TAFA2: variants seen among roughly 807,000 people sequenced by gnomAD.
TAFA2 encodes the protein TAFA chemokine like family member 2.
Under a neutral mutation model 18.8 loss-of-function variants are expected in TAFA2, and 7 were observed. The ratio of observed to expected loss-of-function variants is 0.37; its 90% CI spans 0.21 to 0.70. The LOEUF (loss-of-function observed/expected upper bound fraction) is 0.70. Among genes scored for constraint, TAFA2 ranks in the 30% least tolerant of loss-of-function variants. TAFA2 has a pLI of 0.53. For synonymous variants in TAFA2, 60 were observed against 54.2 expected (o/e 1.11, Z -0.47); for missense variants, 122 against 158.1 (o/e 0.77, Z 1.23).
intron 1 of TAFA2, among the ~76,000 whole-genome samples, chr12:61,994,533 C>T (rs1424537859): frequency 6.6e-6 from 1 of 152,134 alleles, no homozygotes; most frequent in African/African-American, 2.4e-5. Flanking sequence ...TTCCTCATAG[C>T]TAAATTCTCA....
intron 1 of TAFA2, among the ~76,000 whole-genome samples, chr12:62,143,318 C>G (rs1168165128): frequency 6.6e-6 from 1 of 152,180 alleles, no homozygotes; most frequent in South Asian, 2.1e-4. Flanking sequence ...GAGAAAGTCT[C>G]CTAATTGCAT....
Position 61,860,377 on chromosome 12 carries a change from T to C in TAFA2, c.106+6943A>G, listed in dbSNP as rs114584564. On this transcript the variant is annotated intron_variant, in intron 2 of 4. Transcript: ENST00000416284. ...TCTTTCTCTTAGGACATTAATCCAATTGTTTTTATCAACAAGAAAAACACT... is the reference window on the plus strand; with the variant it reads ...TCTTTCTCTTAGGACATTAATCCAACTGTTTTTATCAACAAGAAAAACACT... Among the ~76,000 whole-genome samples the C allele has an allele frequency of 4.3e-3, 659 of 152,346 alleles. 2 individuals carry two copies. The highest frequency in any genetic ancestry group is 0.015 in the African/African-American group (606 of 41,586).
intron 1 of TAFA2, among the ~76,000 whole-genome samples, chr12:61,980,241 C>T (rs1018839612): frequency 6.6e-6 from 1 of 152,004 alleles, no homozygotes; most frequent in African/African-American, 2.4e-5. Context: ...AGTCCCTCGA[C>T]AAAATTCAAC....
chr12:62,189,584 A>G (rs2062608550), intron 1 of TAFA2, among the ~76,000 whole-genome samples: 1 of 152,240 alleles, frequency 6.6e-6, no homozygotes, highest in Admixed American at 6.5e-5. Flanking sequence ...CTGAGAGTAC[A>G]AATGCAAACA....
At chr12:62,092,319 C>T (rs1369464012) in intron 1 of TAFA2, among the ~76,000 whole-genome samples, 3 of 151,844 alleles carry the variant, frequency 2.0e-5, no homozygotes, top group African/African-American at 4.8e-5. Flanking sequence ...CTTCTATTAC[C>T]CCATTTCTCT....
At position 62,235,577 on chromosome 12, in the gene TAFA2, G is replaced by A. The variant is rs571729886; in HGVS notation, c.-130+23186C>T. 4.0e-5 allele frequency: 13 copies of A among 324,012 alleles called. 1 individual carries two copies. Among genetic ancestry groups the A allele is most frequent in the Admixed American group, 3.5e-4 (7 of 20,088 alleles). The allele number at this position is 324,012 out of a possible 1,614,324, so 20.1% of individuals were successfully genotyped here. On this transcript the variant is annotated intron_variant, in intron 1 of 5. Coordinates refer to the TAFA2 transcript ENST00000551619. Reference sequence around the variant, plus strand: ...ACAGGGAGCAACCCACCACGGCATCGCAGGTGGTTATCGGGACATTGCCCC... The same window carrying A: ...ACAGGGAGCAACCCACCACGGCATCACAGGTGGTTATCGGGACATTGCCCC...
chr12:62,092,139 A>C (rs898395516), intron 1 of TAFA2, among the ~76,000 whole-genome samples: 1 of 151,894 alleles, frequency 6.6e-6, no homozygotes, highest in African/African-American at 2.4e-5. Flanking sequence ...CCATTTGTAC[A>C]CTTGATTCCA....
chr12:61,894,916 C>T (rs1875775878), intron 1 of TAFA2, among the ~76,000 whole-genome samples: 1 of 152,260 alleles, frequency 6.6e-6, no homozygotes, highest in African/African-American at 2.4e-5. Flanking sequence ...GGTTATGTAT[C>T]GATTTACACT....
intron 1 of TAFA2, among the ~76,000 whole-genome samples, chr12:62,054,955 A>G (rs904889457): frequency 6.6e-6 from 1 of 152,242 alleles, no homozygotes; most frequent in African/African-American, 2.4e-5. Flanking sequence ...AGGTTTTTCT[A>G]GATCACTATT....
At chr12:62,034,903 G>A (rs1881557817) in intron 1 of TAFA2, among the ~76,000 whole-genome samples, 1 of 152,228 alleles carries the variant, frequency 6.6e-6, no homozygotes, top group South Asian at 2.1e-4. Flanking sequence ...AGTAGAAATT[G>A]AAAGTTATAT....
At chr12:61,879,373 C>T in intron 1 of TAFA2, 1 of 744,764 alleles carries the variant, frequency 1.3e-6, no homozygotes, top group East Asian at 3.0e-5. Flanking sequence ...GGCCCCCGGG[C>T]CTTCAGCAGC....
At chr12:61,994,522 G>A (rs954246766) in intron 1 of TAFA2, among the ~76,000 whole-genome samples, 4 of 152,016 alleles carry the variant, frequency 2.6e-5, no homozygotes, top group Non-Finnish European at 5.9e-5. Context: ...ATTTAATTCT[G>A]TTCCTCATAG....
intron 4 of TAFA2, among the ~76,000 whole-genome samples, chr12:61,728,024 T>C (rs1458233514): frequency 7.4e-6 from 1 of 135,228 alleles, no homozygotes; most frequent in Non-Finnish European, 1.5e-5. Flanking sequence ...TGCATACTTT[T>C]GAGGGTTGTT....
At chr12:62,006,784 A>G (rs1364166182) in intron 1 of TAFA2, among the ~76,000 whole-genome samples, 3 of 152,166 alleles carry the variant, frequency 2.0e-5, no homozygotes, top group African/African-American at 7.2e-5. Context: ...CCCATTTTCT[A>G]TCACAATTCA....
At chr12:62,253,896 C>T (rs2136996316) in intron 1 of TAFA2, among the ~76,000 whole-genome samples, 1 of 152,288 alleles carries the variant, frequency 6.6e-6, no homozygotes, top group East Asian at 1.9e-4. Flanking sequence ...TAAAATATGT[C>T]TTTGATCTGT....
At chr12:61,989,753 T>C (rs1879938069) in intron 1 of TAFA2, among the ~76,000 whole-genome samples, 1 of 152,176 alleles carries the variant, frequency 6.6e-6, no homozygotes, top group Non-Finnish European at 1.5e-5. Context: ...AGAAAGCATA[T>C]TGCCCTCATA....
chr12:62,103,697 C>T (rs536164943), intron 1 of TAFA2, among the ~76,000 whole-genome samples: 17 of 151,166 alleles, frequency 1.1e-4, no homozygotes, highest in African/African-American at 3.4e-4. Flanking sequence ...GCCAAGATTG[C>T]GCCATTGAAC....
intron 1 of TAFA2, among the ~76,000 whole-genome samples, chr12:61,900,524 A>G (rs1470657166): frequency 6.6e-6 from 1 of 152,194 alleles, no homozygotes; most frequent in African/African-American, 2.4e-5. Context: ...GGCAACTTGC[A>G]AACATACTGG....
At chr12:62,080,774 A>G (rs1442836079) in intron 1 of TAFA2, among the ~76,000 whole-genome samples, 1 of 152,204 alleles carries the variant, frequency 6.6e-6, no homozygotes, top group Non-Finnish European at 1.5e-5. Flanking sequence ...TTACAAGGTG[A>G]CGGAAATGAA....
Sources: allele counts gnomAD v4.1 joint callset (sites outside exome capture counted in the v4.1 genomes callset), GRCh38; gene constraint gnomAD v4.1.1; transcripts MANE v1.5; gene names NCBI Gene and HGNC (gene_info 2026-07-23, HGNC 2026-07-21).